The following FAM222A variants were observed in gnomAD, a reference collection of about 807,000 sequenced individuals.
FAM222A encodes protein FAM222A.
FAM222A carries 7 observed loss-of-function variants against 25.8 expected under a neutral mutation model. The observed-to-expected ratio is 0.27, with a 90% CI of 0.15 to 0.51. The LOEUF (loss-of-function observed/expected upper bound fraction) is 0.51, where lower values mean the gene tolerates loss of function less well. FAM222A is among the 20% of genes least tolerant of loss of function. The pLI, the probability that FAM222A is intolerant of heterozygous loss-of-function variation, is 0.97. For missense variants in FAM222A, 573 were observed against 640.5 expected (o/e 0.89, Z 1.14); for synonymous variants, 294 against 298.8 (o/e 0.98, Z 0.17).
At chr12:109,727,329 G>T (rs747975635) in intron 1 of FAM222A, among the ~76,000 whole-genome samples, 21 of 152,120 alleles carry the variant, frequency 1.4e-4, no homozygotes, top group South Asian at 8.3e-4. Context: ...GAGGGGGAGG[G>T]GGTGCTGCCA....
Position 109,768,360 on chromosome 12 carries a change from G to A in FAM222A, c.431G>A (p.Gly144Asp), listed in dbSNP as rs762379301. 6.9e-6 allele frequency: 11 copies of A among 1,596,010 alleles called. No individual in the cohort carries two copies. In the South Asian group the frequency reaches 7.8e-5, roughly 11 times the overall value. ...CTGTCACCGGCCGCCGTGCAGGTGG[G>A]CATTGCGCCCTACCCAGTGCCCAGC... Reference protein sequence around the residue: ...TKLSPAAVQVGIAPYPVPSTL... With the variant: ...TKLSPAAVQVDIAPYPVPSTL... Residue 144 changes from glycine (G) to aspartate (D), a missense_variant, in exon 3 of 3, where the codon GGC becomes GAC. Transcript: ENST00000538780.
At chr12:109,761,579 A>G (rs545449092) in intron 2 of FAM222A, among the ~76,000 whole-genome samples, 1 of 152,304 alleles carries the variant, frequency 6.6e-6, no homozygotes, top group East Asian at 1.9e-4. Flanking sequence ...AGAGAGAAGG[A>G]GAGAGCCTGC....
In FAM222A at chr12:109,768,226, C is replaced by A; in HGVS notation, c.297C>A (p.Tyr99Ter). ...YSPYPQHTAG[Y>*]QGLLAIVKAA... ...CCTACCCACAGCACACCGCTGGCTA[C>A]CAGGGCCTTCTGGCCATTGTCAAGG... The change falls in exon 3 of 3, where the codon TAC becomes TAA. Residue 99 changes from tyrosine (Y) to a stop codon, truncating the protein, a stop_gained. Transcript: ENST00000538780. LOFTEE classifies it high-confidence loss of function. The A allele has an allele frequency of 1.2e-6, 2 of 1,611,814 alleles. No homozygotes were observed. Among genetic ancestry groups the A allele is most frequent in the Non-Finnish European group, 1.7e-6 (2 of 1,179,364 alleles).
chr12:109,742,250 C>G (rs1219631956), intron 1 of FAM222A: 1 of 152,292 alleles, frequency 6.6e-6, no homozygotes. Flanking sequence ...ACACCCAGCC[C>G]TCCCTGTGCA....
rs564614374 is a variant in FAM222A, at chr12:109,770,236, C to G, written c.*948C>G. 5.9e-5 allele frequency: 9 copies of G among 152,696 alleles called. No individual in the cohort carries two copies. Among genetic ancestry groups the G allele is most frequent in the African/African-American group, 1.9e-4 (8 of 41,542 alleles). 9.5% of individuals were successfully genotyped at this position (152,696 alleles called of 1,614,324 possible). On this transcript the variant is annotated 3_prime_UTR_variant, in exon 3 of 3. Transcript: ENST00000538780. Reference sequence around the variant, plus strand: ...ACCAACTCCTTTCCTGCAAACCACCCTCCAAGGCCTGTCCCACACGATCAA... The same window carrying G: ...ACCAACTCCTTTCCTGCAAACCACCGTCCAAGGCCTGTCCCACACGATCAA...
rs754179312 is a variant in FAM222A, at chr12:109,769,228, G to A, written c.1299G>A (p.Val433=). The A allele has an allele frequency of 1.1e-5, 18 of 1,611,796 alleles. No homozygotes were observed. The highest frequency in any genetic ancestry group is 1.3e-5 in the Non-Finnish European group (15 of 1,179,666). The part of the protein sequence containing the change: ...EQMLGKGYET[V]AVPRLLDHQH... ...TGCTGGGCAAGGGCTATGAGACGGT[G>A]GCCGTGCCCCGGCTACTCGACCACC... The change falls in exon 3 of 3, where the codon GTG becomes GTA. Residue 433 remains valine (V), a synonymous_variant. Coordinates refer to ENST00000538780, the MANE Select transcript of FAM222A (RefSeq NM_032829.3).
intron 1 of FAM222A, among the ~76,000 whole-genome samples, chr12:109,730,227 G>A (rs1887921220): frequency 6.6e-6 from 1 of 152,220 alleles, no homozygotes. Context: ...GGAGCCAGGT[G>A]AATGTGGGTT....
At chr12:109,765,180 G>A (rs912471147) in intron 2 of FAM222A, among the ~76,000 whole-genome samples, 8 of 152,208 alleles carry the variant, frequency 5.3e-5, no homozygotes, top group Non-Finnish European at 7.3e-5. Context: ...GCCCCACGTC[G>A]GGGCCTCTCC....
chr12:109,736,395 C>T (rs1435463437), intron 1 of FAM222A, among the ~76,000 whole-genome samples: 1 of 152,230 alleles, frequency 6.6e-6, no homozygotes, highest in Non-Finnish European at 1.5e-5. Flanking sequence ...ACCCCTTTTG[C>T]AGACGCAGAA....
In FAM222A at chr12:109,713,961, C is replaced by T. The variant is rs866801967; in HGVS notation, c.-983C>T. 6.8e-6 allele frequency among the ~76,000 whole-genome samples: 1 copy of T among 146,232 alleles called. No individual in the cohort carries two copies. Among genetic ancestry groups the T allele is most frequent in the Non-Finnish European group, 1.5e-5 (1 of 65,794 alleles). The stretch of plus-strand genomic sequence containing the variant: ...CGGCGCGCGGCACCCGGGCCTGAGA[C>T]CAGGCGAGGCGCCGGCGCGCGCCAG... On this transcript the variant is annotated 5_prime_UTR_variant, in exon 1 of 3. Coordinates refer to ENST00000538780, the MANE Select transcript of FAM222A (RefSeq NM_032829.3).
rs953094758 is a variant in FAM222A, at chr12:109,713,829, G to A, written c.-1115G>A. Among the ~76,000 whole-genome samples the A allele has an allele frequency of 6.6e-6, 1 of 150,990 alleles. No individual in the cohort carries two copies. Among genetic ancestry groups the A allele is most frequent in the African/African-American group, 2.4e-5 (1 of 41,242 alleles). ...CTGCCGGCGCTCGCGCCTGTCAGTC[G>A]GGCCAGAGCGGAGCAGCGGGCAGGA... On this transcript the variant is annotated 5_prime_UTR_variant, in exon 1 of 3. Transcript: ENST00000538780.
intron 2 of FAM222A, among the ~76,000 whole-genome samples, chr12:109,747,707 T>G (rs554083509): frequency 6.6e-6 from 1 of 152,188 alleles, no homozygotes; most frequent in African/African-American, 2.4e-5. Context: ...CTGGATAGTT[T>G]AGCTTTTTTA....
At chr12:109,715,185 G>A (rs1887619576) in intron 1 of FAM222A, among the ~76,000 whole-genome samples, 1 of 152,044 alleles carries the variant, frequency 6.6e-6, no homozygotes, top group African/African-American at 2.4e-5. Context: ...TGTGTCATCC[G>A]AAAATTCCCC....
chr12:109,740,533 G>T (rs1888211465), intron 1 of FAM222A, among the ~76,000 whole-genome samples: 1 of 152,178 alleles, frequency 6.6e-6, no homozygotes, highest in Non-Finnish European at 1.5e-5. Context: ...CCTGCAGATG[G>T]GATGATGCCA....
intron 1 of FAM222A, among the ~76,000 whole-genome samples, chr12:109,741,401 A>G (rs1392581625): frequency 6.6e-6 from 1 of 152,200 alleles, no homozygotes; most frequent in Non-Finnish European, 1.5e-5. Flanking sequence ...CTTGGACACC[A>G]TCACACCCTG....
chr12:109,719,781 G>A (rs1011821821), intron 1 of FAM222A, among the ~76,000 whole-genome samples: 2 of 152,108 alleles, frequency 1.3e-5, no homozygotes, highest in Non-Finnish European at 1.5e-5. Context: ...GGTGTGCAGG[G>A]GGCATCGGGT....
intron 1 of FAM222A, among the ~76,000 whole-genome samples, chr12:109,737,532 CAGA>C (rs1263090940): frequency 6.6e-6 from 1 of 150,510 alleles, no homozygotes; most frequent in Non-Finnish European, 1.5e-5. Context: ...GTAATTCTGG[CAGA>C]AGATGAGGCC....
chr12:109,749,965 A>G (rs1442740778), intron 2 of FAM222A, among the ~76,000 whole-genome samples: 2 of 152,212 alleles, frequency 1.3e-5, no homozygotes, highest in African/African-American at 2.4e-5. Context: ...TGACTCATAT[A>G]CTATAGAGTT....
rs1185262279 is a variant in FAM222A at position 109,769,582 on chromosome 12, A to T, written c.*294A>T. On this transcript the variant is annotated 3_prime_UTR_variant, in exon 3 of 3. Transcript: ENST00000538780. The stretch of plus-strand genomic sequence containing the variant: ...AAGCTGGCAGAGGCAGGGAGAGAGA[A>T]ACCACTCAAAAACAGGAATGGTTCT... 3 of 452,798 alleles carry T rather than the reference A, an allele frequency of 6.6e-6. No individual in the cohort carries two copies. Among genetic ancestry groups the T allele is most frequent in the Non-Finnish European group, 1.2e-5 (3 of 253,230 alleles). The allele number at this position is 452,798 out of a possible 1,614,324, so 28.0% of individuals were successfully genotyped here. A position where few individuals can be genotyped will look rare whatever the true frequency, so the allele number is the denominator to read the frequency against.
Sources: allele counts gnomAD v4.1 joint callset (sites outside exome capture counted in the v4.1 genomes callset), GRCh38; gene constraint gnomAD v4.1.1; transcripts MANE v1.5; gene names NCBI Gene and HGNC (gene_info 2026-07-23, HGNC 2026-07-21).